Variants in RAB3GAP2 observed in about 807,000 individuals in gnomAD.
RAB3GAP2 encodes the protein rab3 GTPase-activating protein non-catalytic subunit.
A neutral mutation model predicts 185.3 loss-of-function variants in RAB3GAP2; 87 were observed. The observed-to-expected ratio is 0.47, with a 90% CI of 0.39 to 0.56. The LOEUF (loss-of-function observed/expected upper bound fraction) is 0.56, where lower values mean the gene tolerates loss of function less well. Among genes scored for constraint, RAB3GAP2 ranks in the 20% least tolerant of loss-of-function variants. The pLI is 0.00. For synonymous variants in RAB3GAP2, 554 were observed against 576.1 expected (o/e 0.96, Z 0.55); for missense variants, 1,492 against 1,638.2 (o/e 0.91, Z 1.54).
intron 1 of RAB3GAP2, among the ~76,000 whole-genome samples, chr1:220,255,465 G>A (rs1375895149): frequency 6.6e-6 from 1 of 152,164 alleles, no homozygotes; most frequent in Non-Finnish European, 1.5e-5. Flanking sequence ...TCAGAAGGTG[G>A]ATAACAACAA....
At chr1:220,264,207 T>A (rs1041138330) in intron 1 of RAB3GAP2, among the ~76,000 whole-genome samples, 3 of 152,080 alleles carry the variant, frequency 2.0e-5, no homozygotes, top group African/African-American at 7.2e-5. Context: ...AAGAAAACAT[T>A]TTCCTGTGAT....
chr1:220,222,210 T>A (rs1043019061), intron 2 of RAB3GAP2, among the ~76,000 whole-genome samples: 2 of 152,198 alleles, frequency 1.3e-5, no homozygotes, highest in Non-Finnish European at 2.9e-5. Context: ...TTACTAAGGA[T>A]TTTTTCTTTT....
intron 1 of RAB3GAP2, chr1:220,266,552 G>A (rs1295438764): frequency 4.3e-6 from 3 of 703,206 alleles, no homozygotes; most frequent in African/African-American, 3.5e-5. Context: ...TTCTGAGTAG[G>A]GAGGTTAAGG....
At chr1:220,217,075 G>C (rs1305219957) in intron 2 of RAB3GAP2, among the ~76,000 whole-genome samples, 1 of 151,934 alleles carries the variant, frequency 6.6e-6, no homozygotes, top group Non-Finnish European at 1.5e-5. Context: ...TCTCGGAGAG[G>C]TTAAGGGATG....
intron 1 of RAB3GAP2, among the ~76,000 whole-genome samples, chr1:220,246,254 TAAA>T (rs1571926560): frequency 6.6e-6 from 1 of 152,224 alleles, no homozygotes; most frequent in Non-Finnish European, 1.5e-5. Context: ...CGGCAATCAT[TAAA>T]AAGTCAGGAA....
At chr1:220,190,618 A>G in intron 14 of RAB3GAP2, 98 bp from the exon 15 acceptor site, 1 of 1,263,432 alleles carries the variant, frequency 7.9e-7, no homozygotes, top group Non-Finnish European at 1.1e-6. Flanking sequence ...ATTATTATCA[A>G]TTTAGGAGCA....
At chr1:220,217,659 G>C (rs1281864157) in intron 2 of RAB3GAP2, among the ~76,000 whole-genome samples, 3 of 151,954 alleles carry the variant, frequency 2.0e-5, no homozygotes, top group Non-Finnish European at 2.9e-5. Context: ...GAATATAGGA[G>C]TAAATAACAG....
intron 1 of RAB3GAP2, chr1:220,266,626 TA>T: frequency 7.9e-7 from 1 of 1,261,164 alleles, no homozygotes; most frequent in Non-Finnish European, 1.2e-6. Context: ...CAGTCAATGG[TA>T]AAATAAATTT....
chr1:220,159,372 G>A lies in RAB3GAP2; in HGVS notation c.3261+14C>T, dbSNP rs775527680. On this transcript the variant is annotated intron_variant, in intron 29 of 34. Transcript: ENST00000358951. ...ATTAACAACCATAATTCTAGCTATG[G>A]GAGATTCACTTACCCTTCGGCATAA... 11 of 1,598,680 alleles carry A rather than the reference G, an allele frequency of 6.9e-6. No individual in the cohort carries two copies. The highest frequency in any genetic ancestry group is 9.4e-6 in the Non-Finnish European group (11 of 1,166,724).
chr1:220,184,147 A>G lies in RAB3GAP2; in HGVS notation c.1887T>C (p.Asp629=), dbSNP rs777703196. 8.1e-6 allele frequency: 13 copies of G among 1,610,992 alleles called. No homozygotes were observed. Among genetic ancestry groups the G allele is most frequent in the Non-Finnish European group, 1.1e-5 (13 of 1,177,500 alleles). ...TLKSQELESV[D]EGLLQFCANK... ...TGGCACAAAACTGTAGCAATCCTTC[A>G]TCAACAGACTCAAGTTCTAAAAGGC... Residue 629 remains aspartate (D), a synonymous_variant, in exon 19 of 35, where the codon GAT becomes GAC. Coordinates refer to ENST00000358951, the MANE Select transcript of RAB3GAP2 (RefSeq NM_012414.4).
At chr1:220,192,617 T>C (rs1658644787) in intron 13 of RAB3GAP2, among the ~76,000 whole-genome samples, 2 of 152,342 alleles carry the variant, frequency 1.3e-5, no homozygotes, top group South Asian at 4.1e-4. Context: ...TCAAAGTAGA[T>C]TGACTCAGTT....
intron 21 of RAB3GAP2, among the ~76,000 whole-genome samples, chr1:220,173,625 C>T (rs1658220346): frequency 6.6e-6 from 1 of 152,198 alleles, no homozygotes; most frequent in Non-Finnish European, 1.5e-5. Context: ...GTGACATGCA[C>T]ATCACCTCCT....
chr1:220,175,517 G>A (rs1658272388), intron 21 of RAB3GAP2, among the ~76,000 whole-genome samples: 2 of 152,032 alleles, frequency 1.3e-5, no homozygotes, highest in South Asian at 2.1e-4. Flanking sequence ...GCGCCCGGCC[G>A]GAATACCAGA....
At chr1:220,262,705 C>A (rs1660162367) in intron 1 of RAB3GAP2, among the ~76,000 whole-genome samples, 1 of 152,156 alleles carries the variant, frequency 6.6e-6, no homozygotes, top group African/African-American at 2.4e-5. Context: ...TTTGTTTATC[C>A]ATTCATCCAT....
chr1:220,163,744 C>CATACATACATAT (rs775527991), intron 27 of RAB3GAP2, among the ~76,000 whole-genome samples: 21 of 122,988 alleles, frequency 1.7e-4, no homozygotes, highest in African/African-American at 5.7e-4. Context: ...TAAATACATA[C>CATACATACATAT]ATATATATAT....
chr1:220,225,972 T>C (rs113329276), intron 2 of RAB3GAP2, among the ~76,000 whole-genome samples: 4 of 152,332 alleles, frequency 2.6e-5, no homozygotes, highest in African/African-American at 9.6e-5. Context: ...CAAACAATTC[T>C]CTGGGGCCTC....
At chr1:220,191,385 A>G (rs1466241163) in intron 13 of RAB3GAP2, 101 bp from the exon 14 acceptor site, 1 of 699,160 alleles carries the variant, frequency 1.4e-6, no homozygotes, top group East Asian at 2.7e-5. Context: ...GGGGTGGGGT[A>G]AGAAAAGCTA....
At chr1:220,203,556 T>A (rs1658902854) in intron 8 of RAB3GAP2, among the ~76,000 whole-genome samples, 2 of 152,190 alleles carry the variant, frequency 1.3e-5, no homozygotes, top group South Asian at 4.1e-4. Flanking sequence ...AATGGCTTTA[T>A]GGTCTTATAT....
intron 1 of RAB3GAP2, among the ~76,000 whole-genome samples, chr1:220,253,193 C>A (rs575095227): frequency 6.6e-6 from 1 of 152,240 alleles, no homozygotes; most frequent in African/African-American, 2.4e-5. Context: ...TACCATTCCT[C>A]CTCACTGGGT....
Sources: allele counts gnomAD v4.1 joint callset (sites outside exome capture counted in the v4.1 genomes callset), GRCh38; gene constraint gnomAD v4.1.1; transcripts MANE v1.5; gene names NCBI Gene and HGNC (gene_info 2026-07-23, HGNC 2026-07-21).